AUTS2: variants seen among roughly 807,000 people sequenced by gnomAD.
AUTS2 encodes the protein activator of transcription and developmental regulator AUTS2.
In AUTS2, 17 loss-of-function variants were observed where a neutral mutation model predicts 112.4. The ratio of observed to expected loss-of-function variants is 0.15; its 90% confidence interval spans 0.10 to 0.23. The LOEUF (loss-of-function observed/expected upper bound fraction) is 0.23, where lower values mean the gene tolerates loss of function less well. AUTS2 is among the 10% of genes least tolerant of loss of function. AUTS2 has a pLI of 1.00. For missense variants in AUTS2, 1,510 were observed against 1,701.6 expected (o/e 0.89, Z 1.98); for synonymous variants, 751 against 702.7 (o/e 1.07, Z -1.09).
chr7:70,637,787 G>C (rs1430347889), intron 5 of AUTS2, among the ~76,000 whole-genome samples: 1 of 152,058 alleles, frequency 6.6e-6, no homozygotes, highest in African/African-American at 2.4e-5. Context: ...TGAGCTTTTG[G>C]GTAAATAGGC....
intron 3 of AUTS2, among the ~76,000 whole-genome samples, chr7:70,125,313 T>G (rs1448382598): frequency 6.6e-6 from 1 of 151,752 alleles, no homozygotes; most frequent in Non-Finnish European, 1.5e-5. Flanking sequence ...TGTACTTTCT[T>G]GGACAAGACC....
At chr7:70,479,444 C>T (rs1463889648) in intron 5 of AUTS2, among the ~76,000 whole-genome samples, 1 of 152,146 alleles carries the variant, frequency 6.6e-6, no homozygotes, top group Non-Finnish European at 1.5e-5. Flanking sequence ...AATACACCAG[C>T]CACACTCCTA....
rs55779550 is a variant in AUTS2, at chr7:70,793,098, A to AG, written c.*2109dup. On this transcript the variant is annotated 3_prime_UTR_variant, in exon 19 of 19. Coordinates refer to ENST00000342771, the MANE Select transcript of AUTS2 (RefSeq NM_015570.4). ...GTCGCTTGTGGTTTGTTTTTTGAGG[A>AG]GGGGGGGTTCTGTTAGTTTTTCGTA... 0.61 allele frequency: 93,032 copies of AG among 151,570 alleles called. 28,648 individuals are homozygous for AG. The highest frequency in any genetic ancestry group is 0.68 in the Middle Eastern group (200 of 294). 9.4% of individuals were successfully genotyped at this position (151,570 alleles called of 1,614,324 possible). A position where few individuals can be genotyped will look rare whatever the true frequency, so the allele number is the denominator to read the frequency against.
intron 5 of AUTS2, among the ~76,000 whole-genome samples, chr7:70,571,674 C>G (rs944543799): frequency 2.6e-5 from 4 of 152,222 alleles, no homozygotes; most frequent in Non-Finnish European, 1.5e-5. Flanking sequence ...CAGCTTCAAA[C>G]TGGAGCTGGG....
intron 2 of AUTS2, among the ~76,000 whole-genome samples, chr7:70,088,401 ACAGGCATGAGC>A (rs1264870370): frequency 6.6e-6 from 1 of 152,114 alleles, no homozygotes; most frequent in East Asian, 1.9e-4. Flanking sequence ...TGCTGGGATT[ACAGGCATGAGC>A]CACCGTGCCT....
intron 4 of AUTS2, among the ~76,000 whole-genome samples, chr7:70,169,917 C>T (rs1291434513): frequency 6.6e-6 from 1 of 152,090 alleles, no homozygotes; most frequent in Admixed American, 6.5e-5. Flanking sequence ...GGGTTCCTTA[C>T]AAAACTTTAT....
chr7:70,583,450 C>T (rs923956695), intron 5 of AUTS2, among the ~76,000 whole-genome samples: 9 of 152,272 alleles, frequency 5.9e-5, no homozygotes, highest in East Asian at 1.9e-4. Context: ...TCTCCCTGCT[C>T]GAGGCAGAGG....
chr7:70,194,283 A>G (rs543846192), intron 4 of AUTS2, among the ~76,000 whole-genome samples: 2 of 152,230 alleles, frequency 1.3e-5, no homozygotes, highest in East Asian at 3.9e-4. Context: ...GGTGACAGAC[A>G]CCTGTAATTC....
At chr7:69,870,219 C>G in intron 1 of AUTS2, among the ~76,000 whole-genome samples, 1 of 151,686 alleles carries the variant, frequency 6.6e-6, no homozygotes, top group Non-Finnish European at 1.5e-5. Flanking sequence ...TTTCTTTCCT[C>G]ATAGGACTCA....
chr7:70,317,640 C>T (rs1790058001), intron 4 of AUTS2, among the ~76,000 whole-genome samples: 1 of 152,148 alleles, frequency 6.6e-6, no homozygotes, highest in Non-Finnish European at 1.5e-5. Flanking sequence ...CAACTGCTTT[C>T]CAACCCTGAC....
chr7:69,784,340 G>C (rs912514953), intron 1 of AUTS2, among the ~76,000 whole-genome samples: 1 of 152,176 alleles, frequency 6.6e-6, no homozygotes, highest in Non-Finnish European at 1.5e-5. Context: ...AGCTAGAGGA[G>C]AGCCTCTCCT....
chr7:70,720,073 C>T (rs537655898), intron 6 of AUTS2, among the ~76,000 whole-genome samples: 36 of 152,274 alleles, frequency 2.4e-4, no homozygotes, highest in African/African-American at 8.4e-4. Context: ...CTTTCCCTTG[C>T]TGTTGCTGTT....
chr7:69,846,952 T>A (rs567479589), intron 1 of AUTS2, among the ~76,000 whole-genome samples: 145 of 152,286 alleles, frequency 9.5e-4, no homozygotes, highest in African/African-American at 3.3e-3. Context: ...GCTAAGTCAT[T>A]TGAGCAAAGT....
intron 4 of AUTS2, among the ~76,000 whole-genome samples, chr7:70,182,989 G>GC (rs1809398131): frequency 6.6e-6 from 1 of 152,160 alleles, no homozygotes; most frequent in East Asian, 1.9e-4. Flanking sequence ...ATAAGGGGAA[G>GC]CCCGAGTCCA....
chr7:70,565,785 G>A (rs760899369), intron 5 of AUTS2, among the ~76,000 whole-genome samples: 6 of 152,158 alleles, frequency 3.9e-5, no homozygotes, highest in Non-Finnish European at 8.8e-5. Flanking sequence ...ATTAATAATT[G>A]TATGAGAATA....
intron 4 of AUTS2, among the ~76,000 whole-genome samples, chr7:70,157,894 G>GCCA (rs1807868268): frequency 6.6e-6 from 1 of 152,220 alleles, no homozygotes; most frequent in Admixed American, 6.5e-5. Context: ...ATGGGAGTGG[G>GCCA]AGGAGAGGTG....
intron 4 of AUTS2, among the ~76,000 whole-genome samples, chr7:70,187,232 C>T (rs773977059): frequency 6.6e-6 from 1 of 152,220 alleles, no homozygotes; most frequent in African/African-American, 2.4e-5. Flanking sequence ...CTGATCTTAC[C>T]GTGGTGGTCA....
At chr7:70,609,959 T>TCG (rs1554441433) in intron 5 of AUTS2, among the ~76,000 whole-genome samples, 1 of 122,872 alleles carries the variant, frequency 8.1e-6, no homozygotes, top group Non-Finnish European at 1.9e-5. Context: ...AGTTCTGTTT[T>TCG]TTGTTGTTGT....
At position 70,793,371 on chromosome 7, in the gene AUTS2, T is replaced by C. The variant is rs1792083023; in HGVS notation, c.*2375T>C. The C allele has an allele frequency of 6.6e-6, 1 of 152,184 alleles. No homozygotes were observed. Among genetic ancestry groups the C allele is most frequent in the South Asian group, 2.1e-4 (1 of 4,820 alleles). 9.4% of individuals were successfully genotyped at this position (152,184 alleles called of 1,614,324 possible). A position where few individuals can be genotyped will look rare whatever the true frequency, so the allele number is the denominator to read the frequency against. On this transcript the variant is annotated 3_prime_UTR_variant, in exon 19 of 19. Transcript: ENST00000342771. ...ACCTTCCAGATTTTTTTTTCCTGTCTTAGCTTTTTCTCTCTTTTAATTACG... is the reference window on the plus strand; with the variant it reads ...ACCTTCCAGATTTTTTTTTCCTGTCCTAGCTTTTTCTCTCTTTTAATTACG...
Sources: gnomAD v4.1 joint callset for allele counts (sites outside exome capture counted in the v4.1 genomes callset) on GRCh38, gnomAD v4.1.1 for gene constraint, MANE v1.5 for transcripts, NCBI Gene and HGNC (gene_info 2026-07-23, HGNC 2026-07-21) for gene names.